Variants in DLG2 observed in about 807,000 individuals in gnomAD.
DLG2 encodes discs large MAGUK scaffold protein 2, also known as disks large homolog 2.
Under a neutral mutation model 132.5 loss-of-function variants are expected in DLG2, and 45 were observed. The ratio of observed to expected loss-of-function variants is 0.34; its 90% CI spans 0.27 to 0.44. DLG2 has a LOEUF of 0.44. Among genes scored for constraint, DLG2 ranks in the 20% least tolerant of loss-of-function variants. The pLI is 1.00. For missense variants in DLG2, 1,045 were observed against 1,196.9 expected, an observed-to-expected ratio of 0.87 and a Z score of 1.87; for synonymous variants, 424 against 419.6, an observed-to-expected ratio of 1.01 and a Z score of -0.13.
intron 7 of DLG2, among the ~76,000 whole-genome samples, chr11:84,529,550 C>CA (rs1284523046): frequency 6.6e-6 from 1 of 152,066 alleles, no homozygotes; most frequent in Non-Finnish European, 1.5e-5. Context: ...ACAATAGCCA[C>CA]AAAAAGAATA....
At chr11:85,009,311 C>T (rs1293027075) in intron 6 of DLG2, among the ~76,000 whole-genome samples, 1 of 151,932 alleles carries the variant, frequency 6.6e-6, no homozygotes, top group Admixed American at 6.6e-5. Flanking sequence ...AATAAAAGTT[C>T]CAGTGAAATA....
chr11:84,960,502 C>G lies in DLG2; in HGVS notation c.357+151159G>C, dbSNP rs2052394750. ...CCAGGCTGGAGTGCACTGGCGCAAT[C>G]TCGGCTCACTGCAACCTCCGCCTCC... On this transcript the variant is annotated intron_variant, in intron 6 of 27. Transcript: ENST00000376104. 2.0e-5 allele frequency among the ~76,000 whole-genome samples: 3 copies of G among 150,852 alleles called. No homozygotes were observed. In the South Asian group the frequency reaches 6.3e-4, roughly 31 times the overall value.
At chr11:85,315,260 T>G (rs574561916) in intron 3 of DLG2, among the ~76,000 whole-genome samples, 1 of 152,022 alleles carries the variant, frequency 6.6e-6, no homozygotes, top group Non-Finnish European at 1.5e-5. Context: ...TTATTGCTTC[T>G]GGCTATTCCA....
chr11:83,673,877 T>C (rs2077258673), intron 18 of DLG2, among the ~76,000 whole-genome samples: 1 of 152,230 alleles, frequency 6.6e-6, no homozygotes. Flanking sequence ...ATTTTAAAAA[T>C]TGTACATTCT....
chr11:85,346,678 G>T lies in DLG2; in HGVS notation c.41-61313C>A, dbSNP rs1489043991. Among the ~76,000 whole-genome samples, 3 of 152,126 alleles carry T rather than the reference G, an allele frequency of 2.0e-5. 1 individual carries two copies. The South Asian group carries it at 6.2e-4, about 31-fold the overall frequency. Reference sequence around the variant, plus strand: ...AAGAAATGTCTAACTTTCTGAGAATGCAGCCCAGCAAGTCCTAGCCTCATT... The same window carrying T: ...AAGAAATGTCTAACTTTCTGAGAATTCAGCCCAGCAAGTCCTAGCCTCATT... On this transcript the variant is annotated intron_variant, in intron 3 of 27. Coordinates refer to ENST00000376104, the MANE Select transcript of DLG2 (RefSeq NM_001142699.3).
chr11:83,922,221 T>C (rs1309757988), intron 15 of DLG2, among the ~76,000 whole-genome samples: 2 of 152,154 alleles, frequency 1.3e-5, no homozygotes, highest in Non-Finnish European at 2.9e-5. Flanking sequence ...AGACAATGCA[T>C]TAATATAAAA....
At chr11:85,149,873 G>A (rs1439791338) in intron 5 of DLG2, among the ~76,000 whole-genome samples, 2 of 151,916 alleles carry the variant, frequency 1.3e-5, no homozygotes, top group African/African-American at 2.4e-5. Flanking sequence ...ATCCCTTTTA[G>A]CAGAGTGACA....
intron 6 of DLG2, among the ~76,000 whole-genome samples, chr11:84,763,597 C>T (rs1037549207): frequency 6.6e-6 from 1 of 152,096 alleles, no homozygotes; most frequent in Non-Finnish European, 1.5e-5. Context: ...TTTTTTCTAT[C>T]TGGGGTCACA....
At chr11:83,571,344 T>TAA (rs5793073) in intron 19 of DLG2, among the ~76,000 whole-genome samples, 17 of 150,428 alleles carry the variant, frequency 1.1e-4, no homozygotes, top group Middle Eastern at 6.9e-3. Context: ...AGTTAAAAAT[T>TAA]AAAAAAAAAA....
At chr11:85,410,036 T>C (rs1310074428) in intron 3 of DLG2, among the ~76,000 whole-genome samples, 2 of 151,896 alleles carry the variant, frequency 1.3e-5, no homozygotes, top group East Asian at 1.9e-4. Flanking sequence ...CGGAATGGCA[T>C]AGCATACTAG....
At chr11:84,827,085 C>T (rs2078419951) in intron 6 of DLG2, among the ~76,000 whole-genome samples, 1 of 151,734 alleles carries the variant, frequency 6.6e-6, no homozygotes. Flanking sequence ...TGCTTCATCA[C>T]TAATAATACC....
At chr11:84,428,687 G>T (rs2098974899) in intron 7 of DLG2, among the ~76,000 whole-genome samples, 2 of 152,166 alleles carry the variant, frequency 1.3e-5, no homozygotes, top group Non-Finnish European at 2.9e-5. Flanking sequence ...CCACCTAGAA[G>T]TCCTATCTCC....
intron 7 of DLG2, among the ~76,000 whole-genome samples, chr11:84,267,361 G>A (rs1004647593): frequency 6.6e-6 from 1 of 152,208 alleles, no homozygotes; most frequent in African/African-American, 2.4e-5. Context: ...CTTGTGGAAG[G>A]GGATAGGAGT....
chr11:85,609,020 A>AT (rs748271470), intron 2 of DLG2, among the ~76,000 whole-genome samples: 2 of 152,188 alleles, frequency 1.3e-5, no homozygotes, highest in Non-Finnish European at 2.9e-5. Flanking sequence ...CCCAGTATGG[A>AT]TCCCCACTGG....
intron 20 of DLG2, among the ~76,000 whole-genome samples, chr11:83,537,031 C>A (rs977415541): frequency 2.6e-5 from 4 of 152,144 alleles, no homozygotes; most frequent in African/African-American, 9.7e-5. Flanking sequence ...TCAATGACAA[C>A]AACTGCCTTC....
intron 20 of DLG2, among the ~76,000 whole-genome samples, chr11:83,534,100 A>T (rs1023753664): frequency 2.0e-5 from 3 of 152,122 alleles, no homozygotes; most frequent in Middle Eastern, 3.2e-3. Flanking sequence ...AAATAATCTA[A>T]ATATTTCCTT....
At chr11:84,203,975 G>C (rs865796684) in intron 8 of DLG2, among the ~76,000 whole-genome samples, 2 of 152,134 alleles carry the variant, frequency 1.3e-5, no homozygotes, top group African/African-American at 4.8e-5. Flanking sequence ...TTTTATTTTT[G>C]AGACGGAGTT....
intron 6 of DLG2, among the ~76,000 whole-genome samples, chr11:84,600,825 A>T (rs1230393426): frequency 2.0e-5 from 3 of 152,182 alleles, no homozygotes; most frequent in African/African-American, 4.8e-5. Context: ...ACTATTAATT[A>T]AAAAATGAGA....
intron 6 of DLG2, among the ~76,000 whole-genome samples, chr11:84,650,880 T>TAC (rs1565561397): frequency 1.8e-4 from 16 of 90,320 alleles, no homozygotes; most frequent in East Asian, 2.7e-4. Context: ...TGTGTATATA[T>TAC]ATATATATAT....
Sources: gnomAD v4.1 joint callset for allele counts (sites outside exome capture counted in the v4.1 genomes callset) on GRCh38, gnomAD v4.1.1 for gene constraint, MANE v1.5 for transcripts, NCBI Gene and HGNC (gene_info 2026-07-23, HGNC 2026-07-21) for gene names.